HAVCR2: variants seen among roughly 807,000 people sequenced by gnomAD.
The protein encoded by HAVCR2 is T cell immunoglobulin mucin 3.
HAVCR2 carries 13 observed loss-of-function variants against 24.7 expected under a neutral mutation model. The ratio of observed to expected loss-of-function variants is 0.53; its 90% CI spans 0.34 to 0.84. The LOEUF is 0.84. Ranked by LOEUF, HAVCR2 falls within the 40% of genes least tolerant of loss-of-function variation. HAVCR2 has a pLI of 0.01. For synonymous variants in HAVCR2, 154 were observed against 143.4 expected (o/e 1.07, Z -0.53); for missense variants, 343 against 371.2 (o/e 0.92, Z 0.62).
intron 1 of HAVCR2, chr5:157,107,233 G>A: frequency 2.6e-6 from 1 of 388,922 alleles, no homozygotes. Context: ...TTTCTAACAA[G>A]TTCTCAAGTG....
chr5:157,096,462 GTTCTCTCTTT>G (rs1216634225), intron 4 of HAVCR2, among the ~76,000 whole-genome samples: 3 of 152,094 alleles, frequency 2.0e-5, no homozygotes, highest in Admixed American at 6.6e-5. Context: ...CAGTCTATGG[GTTCTCTCTTT>G]TTCTCTCTTT....
chr5:157,087,907 A>AC (rs1756938822), intron 6 of HAVCR2, among the ~76,000 whole-genome samples: 2 of 151,952 alleles, frequency 1.3e-5, no homozygotes, highest in South Asian at 4.2e-4. Flanking sequence ...CGTCTCAAAA[A>AC]AAAAAAAAAA....
chr5:157,095,202 A>G lies in HAVCR2; in HGVS notation c.676+104T>C. 2.5e-6 allele frequency: 3 copies of G among 1,222,834 alleles called. No homozygotes were observed. In the South Asian group the frequency reaches 4.3e-5, roughly 18 times the overall value. 75.7% of individuals were successfully genotyped at this position (1,222,834 alleles called of 1,614,324 possible). On this transcript the variant is annotated intron_variant, in intron 5 of 6. Transcript: ENST00000307851. ...GGATGGACAAAAGGGTATTTAGTCT[A>G]ATCATCTTTGGGTATAAACATGAAT...
chr5:157,104,685 G>A lies in HAVCR2; in HGVS notation c.459C>T (p.Thr153=). 1.2e-6 allele frequency: 2 copies of A among 1,603,650 alleles called. No individual in the cohort carries two copies. The highest frequency in any genetic ancestry group is 4.5e-5 in the East Asian group (2 of 44,754). ...AGTTACCTGGGCCATGTCCCCTGGTGGTAAGCATCCTTGGAAAGGCTGCAG... is the reference window on the plus strand; with the variant it reads ...AGTTACCTGGGCCATGTCCCCTGGTAGTAAGCATCCTTGGAAAGGCTGCAG... ...DFTAAFPRML[T]TRGHGPAETQ... is the part of the protein sequence containing the mutation. The change falls in exon 3 of 7, where the codon ACC becomes ACT. Residue 153 remains threonine (T), a synonymous_variant. Coordinates refer to ENST00000307851, the MANE Select transcript of HAVCR2 (RefSeq NM_032782.5).
intron 3 of HAVCR2, among the ~76,000 whole-genome samples, chr5:157,103,590 C>G (rs894068028): frequency 6.6e-6 from 1 of 152,122 alleles, no homozygotes; most frequent in African/African-American, 2.4e-5. Flanking sequence ...AAAGACTAAC[C>G]AAAGACTGAA....
intron 4 of HAVCR2, 131 bp from the exon 5 acceptor site, chr5:157,095,590 G>T: frequency 1.1e-6 from 1 of 942,882 alleles, no homozygotes; most frequent in Non-Finnish European, 1.6e-6. Context: ...AATCACCTTT[G>T]ATCTGTCACC....
At chr5:157,090,127 T>C (rs999225409) in intron 5 of HAVCR2, among the ~76,000 whole-genome samples, 180 of 113,874 alleles carry the variant, frequency 1.6e-3, no homozygotes, top group Non-Finnish European at 2.8e-3. Context: ...CTTTTCTTTT[T>C]TTTTTTTTTT....
At chr5:157,091,988 G>T (rs563060401) in intron 5 of HAVCR2, among the ~76,000 whole-genome samples, 1 of 152,064 alleles carries the variant, frequency 6.6e-6, no homozygotes, top group African/African-American at 2.4e-5. Flanking sequence ...GATTGGAAAT[G>T]AAACAGGCCT....
At chr5:157,088,502 G>A (rs1327983940) in intron 6 of HAVCR2, among the ~76,000 whole-genome samples, 1 of 152,104 alleles carries the variant, frequency 6.6e-6, no homozygotes, top group African/African-American at 2.4e-5. Context: ...GTACACTTCA[G>A]TGCCTGGGTG....
At chr5:157,102,968 A>T (rs1757190321) in intron 3 of HAVCR2, among the ~76,000 whole-genome samples, 1 of 150,678 alleles carries the variant, frequency 6.6e-6, no homozygotes, top group South Asian at 2.1e-4. Context: ...AAACTAAAGG[A>T]AAGAAGACTT....
chr5:157,094,713 TAA>T (rs374388128), intron 5 of HAVCR2, among the ~76,000 whole-genome samples: 15 of 144,020 alleles, frequency 1.0e-4, no homozygotes, highest in Non-Finnish European at 7.6e-5. Context: ...TTTGCTAGTT[TAA>T]AAAAAAAAAA....
intron 3 of HAVCR2, among the ~76,000 whole-genome samples, chr5:157,104,291 C>A (rs1218329574): frequency 6.6e-6 from 1 of 152,162 alleles, no homozygotes; most frequent in Non-Finnish European, 1.5e-5. Flanking sequence ...TCACCTAATC[C>A]AATGTGTCAG....
intron 4 of HAVCR2, among the ~76,000 whole-genome samples, chr5:157,096,141 A>C (rs994930264): frequency 2.0e-5 from 3 of 148,692 alleles, no homozygotes; most frequent in Non-Finnish European, 4.4e-5. Flanking sequence ...CAGGAGAATC[A>C]CTTAAACCCA....
chr5:157,102,878 T>C (rs1581761841), intron 3 of HAVCR2, among the ~76,000 whole-genome samples: 1 of 133,180 alleles, frequency 7.5e-6, no homozygotes, highest in Non-Finnish European at 1.5e-5. Flanking sequence ...GAGTTTGCAG[T>C]GAGCCAAGAT....
intron 3 of HAVCR2, among the ~76,000 whole-genome samples, chr5:157,100,581 A>G (rs989357279): frequency 6.6e-6 from 1 of 152,212 alleles, no homozygotes; most frequent in African/African-American, 2.4e-5. Flanking sequence ...AAAACTAAGC[A>G]TGCTTACTCA....
chr5:157,086,441 G>A lies in HAVCR2; in HGVS notation c.*661C>T, dbSNP rs1392452151. On this transcript the variant is annotated 3_prime_UTR_variant, in exon 7 of 7. Coordinates refer to ENST00000307851, the MANE Select transcript of HAVCR2 (RefSeq NM_032782.5). The stretch of plus-strand genomic sequence containing the variant: ...AGGCAGGCAAATCATGAGGTCAGGA[G>A]TTTGAGACCACACTGGCCAACATGG... 1 of 152,398 alleles carries A rather than the reference G, an allele frequency of 6.6e-6. No individual in the cohort carries two copies. The highest frequency in any genetic ancestry group is 1.5e-5 in the Non-Finnish European group (1 of 68,188). The allele number at this position is 152,398 out of a possible 1,614,324, so 9.4% of individuals were successfully genotyped here.
chr5:157,087,004 C>A lies in HAVCR2; in HGVS notation c.*98G>T. 9.8e-7 allele frequency: 1 copy of A among 1,019,068 alleles called. No individual in the cohort carries two copies. Among genetic ancestry groups the A allele is most frequent in the Non-Finnish European group, 1.5e-6 (1 of 675,638 alleles). The allele number at this position is 1,019,068 out of a possible 1,614,324, so 63.1% of individuals were successfully genotyped here. A position where few individuals can be genotyped will look rare whatever the true frequency, so the allele number is the denominator to read the frequency against. On this transcript the variant is annotated 3_prime_UTR_variant, in exon 7 of 7. Transcript: ENST00000307851. ...CTTCTGAAAATGGGAAAACTCTGCTCCATAGCAGTGGACAGAACCTCCAAA... is the reference window on the plus strand; with the variant it reads ...CTTCTGAAAATGGGAAAACTCTGCTACATAGCAGTGGACAGAACCTCCAAA...
chr5:157,092,914 A>AAAAC (rs1757028797), intron 5 of HAVCR2, among the ~76,000 whole-genome samples: 1 of 116,770 alleles, frequency 8.6e-6, no homozygotes, highest in African/African-American at 3.1e-5. Context: ...AAAAAAAAAA[A>AAAAC]AAAACTAGCC....
intron 1 of HAVCR2, among the ~76,000 whole-genome samples, chr5:157,107,749 T>C (rs916309207): frequency 1.3e-5 from 2 of 152,200 alleles, no homozygotes; most frequent in Non-Finnish European, 2.9e-5. Flanking sequence ...AGCTCATCTT[T>C]ACCGGTGCGG....
Sources: gnomAD v4.1 joint callset for allele counts (sites outside exome capture counted in the v4.1 genomes callset) on GRCh38, gnomAD v4.1.1 for gene constraint, MANE v1.5 for transcripts, NCBI Gene and HGNC (gene_info 2026-07-23, HGNC 2026-07-21) for gene names.